The following APBB1 variants were observed in gnomAD, a reference collection of about 807,000 sequenced individuals.
APBB1 encodes adaptor protein FE65a2.
A neutral mutation model predicts 78.4 loss-of-function variants in APBB1; 22 were observed. The ratio of observed to expected loss-of-function variants is 0.28; its 90% CI spans 0.20 to 0.40. The LOEUF (loss-of-function observed/expected upper bound fraction) is 0.40, where lower values mean the gene tolerates loss of function less well. APBB1 is among the 10% of genes least tolerant of loss of function. The probability of loss-of-function intolerance (pLI) is 1.00; values close to 1 mark genes in which losing one functional copy is unlikely to be tolerated. For missense variants in APBB1, 749 were observed against 932.4 expected, an observed-to-expected ratio of 0.80 and a Z score of 2.56; for synonymous variants, 369 against 372.7, an observed-to-expected ratio of 0.99 and a Z score of 0.12.
chr11:6,412,447 G>A (rs979101478), intron 1 of APBB1, among the ~76,000 whole-genome samples: 7 of 152,050 alleles, frequency 4.6e-5, no homozygotes, highest in Admixed American at 2.0e-4. Context: ...CACTGCGTCC[G>A]GCCCAGCCTT....
Position 6,401,418 on chromosome 11 carries a change from T to G in APBB1, c.1515A>C (p.Glu505Asp). 6.2e-7 allele frequency: 1 copy of G among 1,614,006 alleles called. No homozygotes were observed. Among genetic ancestry groups the G allele is most frequent in the Non-Finnish European group, 8.5e-7 (1 of 1,179,938 alleles). The change falls in exon 11 of 15, where the codon GAA (glutamate) becomes GAC (aspartate). Residue 505 changes from glutamate (E) to aspartate (D), a missense_variant. By Grantham distance (45) the Glu-to-Asp change is conservative. Transcript: ENST00000609360. The surrounding 1 kb of genome is among the most constrained non-coding windows in gnomAD (Gnocchi z 4.5). ...TTACCAAGCAGCGGGCATTACGCCG[T>G]TCGGCCATGATCTGAGGAAGGAAGG... ...LHEICSKIMA[E>D]RRNARCLVNG... is the part of the protein sequence containing the mutation.
In APBB1 at chr11:6,410,655, G is replaced by C. The variant is rs761279160; in HGVS notation, c.693C>G (p.Ser231Arg). 1 of 1,517,664 alleles carries C rather than the reference G, an allele frequency of 6.6e-7. No homozygotes were observed. The highest frequency in any genetic ancestry group is 8.8e-7 in the Non-Finnish European group (1 of 1,133,990). The allele number at this position is 1,517,664 out of a possible 1,614,324, so 94.0% of individuals were successfully genotyped here. Residue 231 changes from serine (S) to arginine (R), a missense_variant, in exon 2 of 15, where the codon AGC becomes AGG. Ser to Arg is a moderately radical substitution (Grantham distance 110, BLOSUM62 -1). Around this residue, in one of 3 missense-constraint regions of APBB1, gnomAD observed 635 missense variants for 765.0 expected, o/e 0.83. Coordinates refer to ENST00000609360, the MANE Select transcript of APBB1 (RefSeq NM_001164.5). ...TGTCCTCTGGGGAGCCATAGGAGGG[G>C]CTGCCCTGGGATAAGGTAGCCCAGC... is the stretch of plus-strand genomic sequence containing the variant. ...DSSWATLSQG[S>R]PSYGSPEDTD...
At chr11:6,417,244 A>G (rs953317726) in intron 1 of APBB1, among the ~76,000 whole-genome samples, 3 of 151,984 alleles carry the variant, frequency 2.0e-5, no homozygotes, top group African/African-American at 7.3e-5. Flanking sequence ...CTACTCTCTA[A>G]GCTGAATTAA....
chr11:6,410,321 T>C (rs1272284811), intron 2 of APBB1, among the ~76,000 whole-genome samples: 2 of 152,214 alleles, frequency 1.3e-5, no homozygotes, highest in African/African-American at 2.4e-5. Flanking sequence ...CACAGCTTTA[T>C]TGTAAGGATA....
chr11:6,403,767 C>A lies in APBB1; in HGVS notation c.777G>T (p.Trp259Cys). The A allele has an allele frequency of 6.3e-7, 1 of 1,592,908 alleles. No homozygotes were observed. The highest frequency in any genetic ancestry group is 8.6e-7 in the Non-Finnish European group (1 of 1,166,756). The change falls in exon 3 of 15, where the codon TGG becomes TGT. Residue 259 changes from tryptophan to cysteine, a missense_variant. Trp to Cys is a radical substitution (Grantham distance 215, BLOSUM62 -2). Transcript: ENST00000609360. The surrounding 1 kb of genome is among the most constrained non-coding windows in gnomAD (Gnocchi z 5.3). ...FETDSDLPAG[W>C]MRVQDTSGTY... ...TCCCTGAGGTGTCCTGGACCCTCAT[C>A]CATCCAGCCGGCAGGTCGGAATCCG... is the stretch of plus-strand genomic sequence containing the variant.
At chr11:6,419,336 A>C, upstream of APBB1, 1 of 221,346 alleles carries the variant, frequency 4.5e-6, no homozygotes, top group East Asian at 9.5e-5. Context: ...CTACTATTCC[A>C]CAGACTCACC....
At position 6,411,438 on chromosome 11, in the gene APBB1, T is replaced by TA; in HGVS notation, c.-14-78_-14-77insT. ...CATCACTGCTTCTGCCCCAGGGCTA[T>TA]GCCCTGTGCCTCCTCATCTCCCTGC... On this transcript the variant is annotated intron_variant, in intron 1 of 14. Coordinates refer to ENST00000609360, the MANE Select transcript of APBB1 (RefSeq NM_001164.5). This position sits in a 1 kb window ranked among gnomAD's most constrained non-coding sequence, Gnocchi z 5.2. 7 of 1,286,684 alleles carry TA rather than the reference T, an allele frequency of 5.4e-6. No homozygotes were observed. The highest frequency in any genetic ancestry group is 2.3e-5 in the East Asian group (1 of 42,602). 79.7% of individuals were successfully genotyped at this position (1,286,684 alleles called of 1,614,324 possible). A position where few individuals can be genotyped will look rare whatever the true frequency, so the allele number is the denominator to read the frequency against.
chr11:6,415,876 C>G (rs992666464), intron 1 of APBB1, among the ~76,000 whole-genome samples: 1 of 152,086 alleles, frequency 6.6e-6, no homozygotes, highest in Non-Finnish European at 1.5e-5. Context: ...CAATAGGATC[C>G]ACGGTCTCCC....
chr11:6,404,735 T>C (rs1470929734), intron 2 of APBB1: 1 of 1,536,374 alleles, frequency 6.5e-7, no homozygotes, highest in South Asian at 1.2e-5. Flanking sequence ...AACCTCATGC[T>C]GCCCCTCACC....
intron 2 of APBB1, among the ~76,000 whole-genome samples, chr11:6,406,462 T>C (rs1329609926): frequency 6.6e-6 from 1 of 152,092 alleles, no homozygotes; most frequent in African/African-American, 2.4e-5. Flanking sequence ...TCTGGTCTCC[T>C]CCAATCTCAG....
rs1005868794 is a variant in APBB1 at position 6,398,047 on chromosome 11, G to A, written c.1673-1832C>T. 4.6e-5 allele frequency among the ~76,000 whole-genome samples: 7 copies of A among 152,328 alleles called. No individual in the cohort carries two copies. The East Asian group carries it at 1.3e-3, about 29-fold the overall frequency. On this transcript the variant is annotated intron_variant, in intron 12 of 14. Coordinates refer to ENST00000609360, the MANE Select transcript of APBB1 (RefSeq NM_001164.5). ...AAACTGCTGAATAGATGGGGCTGTG[G>A]GAGATGGAGCCTGGCCTCAGAGTCT... is the stretch of plus-strand genomic sequence containing the variant.
intron 1 of APBB1, among the ~76,000 whole-genome samples, chr11:6,417,748 G>A (rs1324657680): frequency 1.3e-5 from 2 of 152,256 alleles, no homozygotes; most frequent in African/African-American, 2.4e-5. Context: ...ACAGAACTTG[G>A]TGAAATGAGA....
At chr11:6,397,992 G>A (rs1279599835) in intron 12 of APBB1, among the ~76,000 whole-genome samples, 1 of 152,216 alleles carries the variant, frequency 6.6e-6, no homozygotes, top group East Asian at 1.9e-4. Flanking sequence ...AAATCTCAAA[G>A]TTCAGGTGTG....
rs747737605 is a variant in APBB1, at chr11:6,403,642, C to G, written c.897+5G>C. ...GCCCAAAATCAACAGGCCTGTGAGC[C>G]TCACCTGGGACTCCTCTTGGGGGCT... On this transcript the variant is annotated splice_donor_5th_base_variant and intron_variant, in intron 3 of 14. Coordinates refer to ENST00000609360, the MANE Select transcript of APBB1 (RefSeq NM_001164.5). The surrounding 1 kb of genome is among the most constrained non-coding windows in gnomAD (Gnocchi z 5.3). 1.2e-6 allele frequency: 2 copies of G among 1,610,240 alleles called. No individual in the cohort carries two copies. The highest frequency in any genetic ancestry group is 1.7e-6 in the Non-Finnish European group (2 of 1,177,482).
At chr11:6,396,023 C>T (rs961252845) in intron 13 of APBB1, 61 bp from the exon 14 acceptor site, 46 of 1,600,758 alleles carry the variant, frequency 2.9e-5, no homozygotes, top group Non-Finnish European at 3.8e-5. Flanking sequence ...CCACATCCAT[C>T]TTAGCAGCTC....
chr11:6,403,170 G>C lies in APBB1; in HGVS notation c.1079C>G (p.Pro360Arg). The C allele has an allele frequency of 1.2e-6, 2 of 1,613,220 alleles. No individual in the cohort carries two copies. The highest frequency in any genetic ancestry group is 1.7e-6 in the Non-Finnish European group (2 of 1,179,630). Residue 360 changes from proline to arginine, a missense_variant, in exon 6 of 15, where the codon CCA becomes CGA. Pro to Arg is a moderately radical substitution (Grantham distance 103). Coordinates refer to ENST00000609360, the MANE Select transcript of APBB1 (RefSeq NM_001164.5). The surrounding 1 kb of genome is among the most constrained non-coding windows in gnomAD (Gnocchi z 5.3). ...PLPQEEEKLP[P>R]RNTNPGIKCF... ...CTTGATCCCTGGGTTGGTATTCCGT[G>C]GGGGAAGCTTCTCCTCCTCTTGGGG...
chr11:6,396,332 C>A, intron 12 of APBB1, 117 bp from the exon 13 acceptor site: 1 of 855,412 alleles, frequency 1.2e-6, no homozygotes, highest in South Asian at 1.7e-5. Flanking sequence ...CCCACTTTGC[C>A]AGCCTACATT....
intron 2 of APBB1, chr11:6,405,467 G>A (rs974929764): frequency 2.0e-6 from 2 of 986,608 alleles, no homozygotes; most frequent in Non-Finnish European, 2.4e-6. Context: ...GACTGCTGAC[G>A]TGCTTCCCGT....
chr11:6,405,695 C>T lies in APBB1; in HGVS notation c.722-1873G>A. On this transcript the variant is annotated intron_variant, in intron 2 of 14. Transcript: ENST00000609360. ...CCCACAGACACCCAAAGAGGAGGGG[C>T]TCTTGCCCATCCACCTTCTAGGCAG... 3.0e-6 allele frequency: 3 copies of T among 985,788 alleles called. No homozygotes were observed. In the South Asian group the frequency reaches 1.4e-4, roughly 46 times the overall value. 61.1% of individuals were successfully genotyped at this position (985,788 alleles called of 1,614,324 possible).
Sources: allele counts gnomAD v4.1 joint callset (sites outside exome capture counted in the v4.1 genomes callset), GRCh38; gene constraint gnomAD v4.1.1; regional missense constraint gnomAD v4.1.1; non-coding constraint Gnocchi (gnomAD v3.1); transcripts MANE v1.5; gene names NCBI Gene and HGNC (gene_info 2026-07-23, HGNC 2026-07-21).